Variants in GBGT1 observed in about 807,000 individuals in gnomAD.
GBGT1 encodes the protein globoside alpha-1,3-N-acetylgalactosaminyltransferase 1 (FORS blood group), also known as globoside alpha-1,3-N-acetylgalactosaminyltransferase 1.
In GBGT1, 18 loss-of-function variants were observed where a neutral mutation model predicts 20.9. That is an observed-to-expected ratio of 0.86 (90% confidence interval 0.60 to 1.28). The LOEUF is 1.28. Ranked by LOEUF, GBGT1 falls within the 50% of genes most tolerant of loss-of-function variation. The pLI is 0.00. For synonymous variants in GBGT1, 168 were observed against 180.8 expected, an observed-to-expected ratio of 0.93 and a Z score of 0.57; for missense variants, 432 against 455.7, an observed-to-expected ratio of 0.95 and a Z score of 0.47.
At chr9:133,160,548 A>G (rs999433056) in intron 3 of GBGT1, among the ~76,000 whole-genome samples, 1 of 152,132 alleles carries the variant, frequency 6.6e-6, no homozygotes, top group African/African-American at 2.4e-5. Context: ...CCACTAAGGG[A>G]ACATATCTGA....
rs990746579 is a variant in GBGT1, at chr9:133,156,048, T to A, written c.155A>T (p.Tyr52Phe). ...GGGCTGGAGTGGCTTCTCCCTCTTG[T>A]AGTGCAGCTTCATGTTGCTGGTGGC... ...CPEIFNMKLHYKREKPLQPVV... is the reference protein window; with the variant it reads ...CPEIFNMKLHFKREKPLQPVV... The change falls in exon 4 of 7, where the codon TAC (tyrosine) becomes TTC (phenylalanine). Residue 52 changes from tyrosine (Y) to phenylalanine (F), a missense_variant. Coordinates refer to ENST00000372040, the MANE Select transcript of GBGT1 (RefSeq NM_021996.6). 6.2e-7 allele frequency: 1 copy of A among 1,613,962 alleles called. No homozygotes were observed. Among genetic ancestry groups the A allele is most frequent in the African/African-American group, 1.3e-5 (1 of 74,922 alleles).
At position 133,154,323 on chromosome 9, in the gene GBGT1, T is replaced by G. The variant is rs1832806582; in HGVS notation, c.360-62A>C. On this transcript the variant is annotated intron_variant, in intron 6 of 6. Coordinates refer to ENST00000372040, the MANE Select transcript of GBGT1 (RefSeq NM_021996.6). The surrounding 1 kb of genome is among the most constrained non-coding windows in gnomAD (Gnocchi z 4.2). Reference sequence around the variant, plus strand: ...GCAGCCTGCCAGGGTCCCCACTGTGTGCTGGGGTCAGCCAGGCTGGGGTCC... The same window carrying G: ...GCAGCCTGCCAGGGTCCCCACTGTGGGCTGGGGTCAGCCAGGCTGGGGTCC... The G allele has an allele frequency of 9.2e-7, 1 of 1,086,316 alleles. No individual in the cohort carries two copies. Among genetic ancestry groups the G allele is most frequent in the African/African-American group, 1.6e-5 (1 of 63,946 alleles). The allele number at this position is 1,086,316 out of a possible 1,614,324, so 67.3% of individuals were successfully genotyped here. A position where few individuals can be genotyped will look rare whatever the true frequency, so the allele number is the denominator to read the frequency against.
chr9:133,153,587 AG>A lies in GBGT1; in HGVS notation c.1033del (p.Leu345Ter), dbSNP rs754826918. ...CCCCCAGCTCCGTGGTCAGCTCCTC[AG>A]GCAGCTGATATCCTTGTCCAGTGTA... ...FSTLDKDISC[L>X]RS On this transcript the variant is annotated frameshift_variant, in exon 7 of 7. Coordinates refer to ENST00000372040, the MANE Select transcript of GBGT1 (RefSeq NM_021996.6). LOFTEE classifies it high-confidence loss of function. 6.5e-7 allele frequency: 1 copy of A among 1,532,920 alleles called. No homozygotes were observed. The highest frequency in any genetic ancestry group is 2.1e-5 in the Admixed American group (1 of 48,740). 95.0% of individuals were successfully genotyped at this position (1,532,920 alleles called of 1,614,324 possible).
At chr9:133,162,231 A>G (rs1833072505) in intron 2 of GBGT1, 111 bp downstream of exon 2, 1 of 392,348 alleles carries the variant, frequency 2.5e-6, no homozygotes, top group Non-Finnish European at 4.4e-6. Flanking sequence ...GGATAGAGAC[A>G]GGGGGAGTCC....
chr9:133,155,940 C>T lies in GBGT1; in HGVS notation c.189-4G>A. 1 of 1,614,202 alleles carries T rather than the reference C, an allele frequency of 6.2e-7. No homozygotes were observed. The highest frequency in any genetic ancestry group is 8.5e-7 in the Non-Finnish European group (1 of 1,180,022). On this transcript the variant is annotated splice_polypyrimidine_tract_variant and splice_region_variant and intron_variant, in intron 4 of 6. Coordinates refer to ENST00000372040, the MANE Select transcript of GBGT1 (RefSeq NM_021996.6). ...CTTGGGCTGAGGGTACTGTGACCTGCAACCAAGAAGGACCAGTGATGGAGG... is the reference window on the plus strand; with the variant it reads ...CTTGGGCTGAGGGTACTGTGACCTGTAACCAAGAAGGACCAGTGATGGAGG...
intron 2 of GBGT1, 80 bp from the exon 3 acceptor site, chr9:133,161,612 G>A: frequency 1.0e-6 from 1 of 959,860 alleles, no homozygotes; most frequent in African/African-American, 1.6e-5. Context: ...CACGTCATTG[G>A]GAGTGCAGGT....
rs948104521 is a variant in GBGT1 at position 133,154,813 on chromosome 9, G to A, written c.359+365C>T. 4.3e-5 allele frequency: 9 copies of A among 210,678 alleles called. No homozygotes were observed. The highest frequency in any genetic ancestry group is 8.5e-5 in the Non-Finnish European group (9 of 105,484). 13.1% of individuals were successfully genotyped at this position (210,678 alleles called of 1,614,324 possible). A position where few individuals can be genotyped will look rare whatever the true frequency, so the allele number is the denominator to read the frequency against. On this transcript the variant is annotated intron_variant, in intron 6 of 6. Coordinates refer to ENST00000372040, the MANE Select transcript of GBGT1 (RefSeq NM_021996.6). The surrounding 1 kb of genome is among the most constrained non-coding windows in gnomAD (Gnocchi z 4.2). ...GAAGTTCCAGGAAGGAGTCCCAGAG[G>A]CCCAGAGGAAGGCTGCCAAGCGGCA... is the stretch of plus-strand genomic sequence containing the variant.
intron 3 of GBGT1, among the ~76,000 whole-genome samples, chr9:133,158,304 G>T (rs906398841): frequency 2.6e-5 from 4 of 152,076 alleles, no homozygotes; most frequent in Admixed American, 2.6e-4. Flanking sequence ...TTTGAGGTGG[G>T]GTCTATCTGT....
At chr9:133,160,155 T>C (rs1356952391) in intron 3 of GBGT1, 1 of 355,572 alleles carries the variant, frequency 2.8e-6, no homozygotes, top group Non-Finnish European at 5.7e-6. Flanking sequence ...CGTGTGTGCC[T>C]GTAATCCCAG....
chr9:133,162,606 A>G (rs369164825), intron 1 of GBGT1, 74 bp from the exon 2 acceptor site: 9 of 597,244 alleles, frequency 1.5e-5, no homozygotes, highest in South Asian at 1.2e-4. Context: ...CAGTGGCGCA[A>G]TCTCCATTCA....
rs529154552 is a variant in GBGT1, at chr9:133,153,915, G to A, written c.706C>T (p.Arg236Cys). 3.4e-5 allele frequency: 55 copies of A among 1,605,316 alleles called. No individual in the cohort carries two copies. The Admixed American group carries it at 4.8e-4, about 14-fold the overall frequency. ...AIHPSYYAVP[R>C]QQFPYERRRV... ...CTGCGCTCATAGGGGAACTGCTGGCGGGGAACGGCGTAGTAGCTTGGGTGA... is the reference window on the plus strand; with the variant it reads ...CTGCGCTCATAGGGGAACTGCTGGCAGGGAACGGCGTAGTAGCTTGGGTGA... The change falls in exon 7 of 7, where the codon CGC (arginine) becomes TGC (cysteine). Residue 236 changes from arginine (R) to cysteine (C), a missense_variant. Coordinates refer to ENST00000372040, the MANE Select transcript of GBGT1 (RefSeq NM_021996.6).
chr9:133,157,382 G>A (rs950075573), intron 3 of GBGT1, among the ~76,000 whole-genome samples: 3 of 151,880 alleles, frequency 2.0e-5, no homozygotes, highest in Non-Finnish European at 2.9e-5. Flanking sequence ...CATCACATAA[G>A]TCAATTTTCC....
chr9:133,155,935 A>G lies in GBGT1; in HGVS notation c.190T>C (p.Ser64Pro). 6.2e-7 allele frequency: 1 copy of G among 1,614,174 alleles called. No individual in the cohort carries two copies. The highest frequency in any genetic ancestry group is 8.5e-7 in the Non-Finnish European group (1 of 1,180,018). ...AGCAGCTTGGGCTGAGGGTACTGTG[A>G]CCTGCAACCAAGAAGGACCAGTGAT... Reference protein sequence around the residue: ...REKPLQPVVWSQYPQPKLLEH... With the variant: ...REKPLQPVVWPQYPQPKLLEH... Residue 64 changes from serine (S) to proline (P), a missense_variant and splice_region_variant, in exon 5 of 7, where the codon TCA (serine) becomes CCA (proline). Ser to Pro is a moderately conservative substitution (Grantham distance 74). Coordinates refer to ENST00000372040, the MANE Select transcript of GBGT1 (RefSeq NM_021996.6).
At chr9:133,163,026 G>A (rs1443261821) in intron 1 of GBGT1, 1 of 153,890 alleles carries the variant, frequency 6.5e-6, no homozygotes, top group East Asian at 1.9e-4. Context: ...AGAGGGGCTG[G>A]GACCGACTTC....
At chr9:133,157,235 A>AAT (rs1832897376) in intron 3 of GBGT1, among the ~76,000 whole-genome samples, 1 of 151,454 alleles carries the variant, frequency 6.6e-6, no homozygotes, top group African/African-American at 2.4e-5. Context: ...AGTGAGCTGT[A>AAT]ATCACACTAC....
Position 133,155,907 on chromosome 9 carries a change from T to C in GBGT1, c.218A>G (p.Glu73Gly), listed in dbSNP as rs764370932. 6.2e-7 allele frequency: 1 copy of C among 1,614,126 alleles called. No homozygotes were observed. Among genetic ancestry groups the C allele is most frequent in the South Asian group, 1.1e-5 (1 of 91,084 alleles). ...GCCTCTCCATGACACCTACCTGTGC[T>C]CCAGCAGCTTGGGCTGAGGGTACTG... ...WSQYPQPKLL[E>G]HRPTQLLTLT... Residue 73 changes from glutamate to glycine, a missense_variant, in exon 5 of 7, where the codon GAG (glutamate) becomes GGG (glycine). By Grantham distance (98) the Glu-to-Gly change is moderately conservative. Transcript: ENST00000372040.
chr9:133,156,961 A>T (rs1404898976), intron 3 of GBGT1, among the ~76,000 whole-genome samples: 1 of 152,134 alleles, frequency 6.6e-6, no homozygotes, highest in Non-Finnish European at 1.5e-5. Context: ...CCTGGGTGGG[A>T]CCGATCCAAT....
chr9:133,162,545 A>AAAAGTGTT lies in GBGT1; in HGVS notation c.-120-14_-120-13insAACACTTT. The AAAAGTGTT allele has an allele frequency of 1.4e-6, 1 of 712,800 alleles. No individual in the cohort carries two copies. Among genetic ancestry groups the AAAAGTGTT allele is most frequent in the Non-Finnish European group, 2.5e-6 (1 of 401,432 alleles). The allele number at this position is 712,800 out of a possible 1,614,324, so 44.2% of individuals were successfully genotyped here. A position where few individuals can be genotyped will look rare whatever the true frequency, so the allele number is the denominator to read the frequency against. ...GTCCCAGGAACACCTGCAAAGGAAC[A>AAAAGTGTT]CTTTTGTTGTTTTGAGATAGAGTTT... On this transcript the variant is annotated splice_polypyrimidine_tract_variant and intron_variant, in intron 1 of 6. Transcript: ENST00000372040.
Position 133,153,572 on chromosome 9 carries a change from C to T in GBGT1, c.*5G>A, listed in dbSNP as rs202102012. 22 of 1,523,340 alleles carry T rather than the reference C, an allele frequency of 1.4e-5. No individual in the cohort carries two copies. Among genetic ancestry groups the T allele is most frequent in the African/African-American group, 5.5e-5 (4 of 72,200 alleles). The allele number at this position is 1,523,340 out of a possible 1,614,324, so 94.4% of individuals were successfully genotyped here. ...CCCCATCCATGGCAACCCCCAGCTC[C>T]GTGGTCAGCTCCTCAGGCAGCTGAT... On this transcript the variant is annotated 3_prime_UTR_variant, in exon 7 of 7. Coordinates refer to ENST00000372040, the MANE Select transcript of GBGT1 (RefSeq NM_021996.6).
Sources: gnomAD v4.1 joint callset for allele counts (sites outside exome capture counted in the v4.1 genomes callset) on GRCh38, gnomAD v4.1.1 for gene constraint, Gnocchi (gnomAD v3.1) non-coding constraint, MANE v1.5 for transcripts, NCBI Gene and HGNC (gene_info 2026-07-23, HGNC 2026-07-21) for gene names.